Variants in GPR158 observed in about 807,000 individuals in gnomAD.
GPR158 encodes the protein G protein-coupled receptor 158.
GPR158 carries 30 observed loss-of-function variants against 78.2 expected under a neutral mutation model. The ratio of observed to expected loss-of-function variants is 0.38; its 90% confidence interval spans 0.29 to 0.52. The LOEUF is 0.52. Ranked by LOEUF, GPR158 falls within the 20% of genes least tolerant of loss-of-function variation. The pLI, the probability that GPR158 is intolerant of heterozygous loss-of-function variation, is 0.83. For missense variants in GPR158, 1,463 were observed against 1,523.5 expected, an observed-to-expected ratio of 0.96 and a Z score of 0.66; for synonymous variants, 581 against 591.1, an observed-to-expected ratio of 0.98 and a Z score of 0.25.
At chr10:25,429,322 T>C (rs1588859457) in intron 4 of GPR158, among the ~76,000 whole-genome samples, 1 of 152,092 alleles carries the variant, frequency 6.6e-6, no homozygotes, top group Non-Finnish European at 1.5e-5. Context: ...GTCACTAAAA[T>C]GCTAGAAGAA....
intron 2 of GPR158, among the ~76,000 whole-genome samples, chr10:25,350,443 T>C (rs926318100): frequency 2.0e-5 from 3 of 151,980 alleles, no homozygotes; most frequent in Admixed American, 1.3e-4. Flanking sequence ...TTGCTATCTT[T>C]CTTTCACTTC....
chr10:25,327,392 C>A (rs566444781), intron 2 of GPR158, among the ~76,000 whole-genome samples: 37 of 152,262 alleles, frequency 2.4e-4, no homozygotes, highest in Non-Finnish European at 3.7e-4. Flanking sequence ...TAATACCTCA[C>A]AAATGGCAAA....
intron 1 of GPR158, among the ~76,000 whole-genome samples, chr10:25,202,934 A>C (rs1473817124): frequency 6.6e-6 from 1 of 152,128 alleles, no homozygotes; most frequent in Admixed American, 6.5e-5. Flanking sequence ...CTGACTTTTT[A>C]ATGATTGCCA....
intron 1 of GPR158, among the ~76,000 whole-genome samples, chr10:25,183,579 C>G (rs1273034313): frequency 6.6e-6 from 1 of 152,152 alleles, no homozygotes; most frequent in African/African-American, 2.4e-5. Flanking sequence ...GTTGCTAATA[C>G]TTCTATTTAA....
chr10:25,248,420 T>A (rs1374836398), intron 2 of GPR158, among the ~76,000 whole-genome samples: 1 of 152,026 alleles, frequency 6.6e-6, no homozygotes, highest in East Asian at 1.9e-4. Context: ...AATGCCTAGG[T>A]TTTCTTCTAG....
intron 2 of GPR158, among the ~76,000 whole-genome samples, chr10:25,259,121 T>C (rs1853931156): frequency 6.6e-6 from 1 of 152,168 alleles, no homozygotes; most frequent in African/African-American, 2.4e-5. Flanking sequence ...GTTGGCCTTG[T>C]CTCAAAAGTT....
rs1013382605 is a variant in GPR158 at position 25,175,137 on chromosome 10, A to C, written c.-284A>C. ...CTCCAGCCGCTGGGAGCGCGAGGCC[A>C]TGTAACCCGCTCGGCTCCAGGCTGC... On this transcript the variant is annotated 5_prime_UTR_variant, in exon 1 of 11. An upstream start codon of the reference 5' UTR is lost. Coordinates refer to ENST00000376351, the MANE Select transcript of GPR158 (RefSeq NM_020752.3). The surrounding 1 kb of genome is among the most constrained non-coding windows in gnomAD (Gnocchi z 6.4). 1 of 335,728 alleles carries C rather than the reference A, an allele frequency of 3.0e-6. No homozygotes were observed. The highest frequency in any genetic ancestry group is 5.5e-6 in the Non-Finnish European group (1 of 183,314). The allele number at this position is 335,728 out of a possible 1,614,324, so 20.8% of individuals were successfully genotyped here.
At chr10:25,477,628 C>T (rs778129223) in intron 5 of GPR158, among the ~76,000 whole-genome samples, 1 of 151,908 alleles carries the variant, frequency 6.6e-6, no homozygotes, top group Non-Finnish European at 1.5e-5. Context: ...CCGTAGAATC[C>T]ATCTCACTTG....
At chr10:25,241,262 T>TCTTTCCTTC (rs1479682126) in intron 2 of GPR158, among the ~76,000 whole-genome samples, 1 of 117,788 alleles carries the variant, frequency 8.5e-6, no homozygotes, top group African/African-American at 4.0e-5. Context: ...TTCTTTCCTT[T>TCTTTCCTTC]CTTTCTTTCC....
rs1005070619 is a variant in GPR158 at position 25,601,293 on chromosome 10, C to T, written c.*2019C>T. Reference sequence around the variant, plus strand: ...TATGCATTACTCAGGTTGGTGGGGTCGGTTTGAGAAGATATAGAAATTCTA... The same window carrying T: ...TATGCATTACTCAGGTTGGTGGGGTTGGTTTGAGAAGATATAGAAATTCTA... On this transcript the variant is annotated 3_prime_UTR_variant, in exon 11 of 11. Transcript: ENST00000376351. 6.6e-6 allele frequency: 1 copy of T among 152,538 alleles called. No individual in the cohort carries two copies. The highest frequency in any genetic ancestry group is 1.5e-5 in the Non-Finnish European group (1 of 68,020). The allele number at this position is 152,538 out of a possible 1,614,324, so 9.4% of individuals were successfully genotyped here.
In GPR158 at chr10:25,175,409, T is replaced by C. The variant is rs751259202; in HGVS notation, c.-12T>C. On this transcript the variant is annotated 5_prime_UTR_variant, in exon 1 of 11. Coordinates refer to ENST00000376351, the MANE Select transcript of GPR158 (RefSeq NM_020752.3). The surrounding 1 kb of genome is among the most constrained non-coding windows in gnomAD (Gnocchi z 6.4). The stretch of plus-strand genomic sequence containing the variant: ...CCCCCTCCCGTTCCCTCCTCTTCTC[T>C]CTGGGAGGCAGATGGGAGCCATGGC... The C allele has an allele frequency of 3.4e-6, 5 of 1,491,190 alleles. No individual in the cohort carries two copies. The East Asian group carries it at 1.1e-4, about 34-fold the overall frequency. The allele number at this position is 1,491,190 out of a possible 1,614,324, so 92.4% of individuals were successfully genotyped here. A position where few individuals can be genotyped will look rare whatever the true frequency, so the allele number is the denominator to read the frequency against.
At chr10:25,373,473 G>C (rs1195198712) in intron 2 of GPR158, among the ~76,000 whole-genome samples, 1 of 151,820 alleles carries the variant, frequency 6.6e-6, no homozygotes, top group African/African-American at 2.4e-5. Context: ...TCTACCGTCT[G>C]CTTTACATTT....
chr10:25,309,087 T>C (rs7909772), intron 2 of GPR158, among the ~76,000 whole-genome samples: 30,760 of 152,118 alleles, frequency 0.2, 5,250 homozygotes, highest in African/African-American at 0.47. Flanking sequence ...GAAGTATCTG[T>C]GTCATATGGT....
At position 25,598,548 on chromosome 10, in the gene GPR158, G is replaced by T; in HGVS notation, c.2922G>T (p.Gly974=). Residue 974 remains glycine, a synonymous_variant, in exon 11 of 11, where the codon GGG becomes GGT. Transcript: ENST00000376351. The part of the protein sequence containing the change: ...AEEPRKPQKS[G]IMKQQRVNPT... ...AGCCAAGAAAGCCTCAGAAATCTGGGATTATGAAACAACAAAGGGTCAACC... is the reference window on the plus strand; with the variant it reads ...AGCCAAGAAAGCCTCAGAAATCTGGTATTATGAAACAACAAAGGGTCAACC... The T allele has an allele frequency of 1.2e-6, 2 of 1,613,890 alleles. No individual in the cohort carries two copies. Among genetic ancestry groups the T allele is most frequent in the East Asian group, 2.2e-5 (1 of 44,848 alleles).
At chr10:25,338,473 ACG>A (rs1564426217) in intron 2 of GPR158, among the ~76,000 whole-genome samples, 29 of 132,504 alleles carry the variant, frequency 2.2e-4, no homozygotes, top group African/African-American at 9.5e-4. Flanking sequence ...CGTATATTAT[ACG>A]TATAATATAC....
intron 5 of GPR158, among the ~76,000 whole-genome samples, chr10:25,488,274 G>A (rs1167915799): frequency 6.6e-6 from 1 of 152,114 alleles, no homozygotes; most frequent in Non-Finnish European, 1.5e-5. Context: ...TCATTTGTCA[G>A]AATTTAATCA....
chr10:25,484,030 C>A (rs1835699138), intron 5 of GPR158, among the ~76,000 whole-genome samples: 1 of 152,110 alleles, frequency 6.6e-6, no homozygotes, highest in Non-Finnish European at 1.5e-5. Flanking sequence ...CTCTAATTTC[C>A]CTATGGGCTT....
intron 1 of GPR158, among the ~76,000 whole-genome samples, chr10:25,184,015 A>C (rs1852648758): frequency 6.6e-6 from 1 of 152,320 alleles, no homozygotes; most frequent in East Asian, 1.9e-4. Context: ...CAATATAACA[A>C]GGCATCTTAC....
rs1835980573 is a variant in GPR158 at position 25,504,161 on chromosome 10, G to A, written c.1404+37442G>A. On this transcript the variant is annotated intron_variant, in intron 5 of 10. Coordinates refer to ENST00000376351, the MANE Select transcript of GPR158 (RefSeq NM_020752.3). ...TTGCCTCAGCCTCCCAAAGTACTGGGATTACAGGCATGAGCCACCACACCT... is the reference window on the plus strand; with the variant it reads ...TTGCCTCAGCCTCCCAAAGTACTGGAATTACAGGCATGAGCCACCACACCT... Among the ~76,000 whole-genome samples, 2 of 152,208 alleles carry A rather than the reference G, an allele frequency of 1.3e-5. 1 individual carries two copies.
Sources: gnomAD v4.1 joint callset for allele counts (sites outside exome capture counted in the v4.1 genomes callset) on GRCh38, gnomAD v4.1.1 for gene constraint, Gnocchi (gnomAD v3.1) non-coding constraint, MANE v1.5 for transcripts, NCBI Gene and HGNC (gene_info 2026-07-23, HGNC 2026-07-21) for gene names.